FHIT: variants seen among roughly 807,000 people sequenced by gnomAD.
The protein encoded by FHIT is bis(5'-adenosyl)-triphosphatase.
In FHIT, 19 loss-of-function variants were observed where a neutral mutation model predicts 17.9. The observed-to-expected ratio is 1.06, with a 90% CI of 0.74 to 1.56. The LOEUF is 1.56. Ranked by LOEUF, FHIT falls within the 40% of genes most tolerant of loss-of-function variation. The pLI, the probability that FHIT is intolerant of heterozygous loss-of-function variation, is 0.00. For synonymous variants in FHIT, 81 were observed against 69.7 expected (o/e 1.16, Z -0.81); for missense variants, 248 against 189.2 (o/e 1.31, Z -1.82).
At chr3:61,120,506 G>A (rs1240533745) in intron 2 of FHIT, among the ~76,000 whole-genome samples, 1 of 152,142 alleles carries the variant, frequency 6.6e-6, no homozygotes, top group Non-Finnish European at 1.5e-5. Context: ...ACAGGTTGGA[G>A]TGTACATCAT....
chr3:60,351,899 A>G (rs955049378), intron 5 of FHIT, among the ~76,000 whole-genome samples: 14 of 152,176 alleles, frequency 9.2e-5, no homozygotes, highest in African/African-American at 3.1e-4. Context: ...CTAAAGATTT[A>G]ATTAGCTAGC....
At chr3:60,844,496 C>A (rs1259300947) in intron 3 of FHIT, among the ~76,000 whole-genome samples, 1 of 152,070 alleles carries the variant, frequency 6.6e-6, no homozygotes, top group Non-Finnish European at 1.5e-5. Flanking sequence ...TGATTCAACA[C>A]ATTTTCTATT....
chr3:60,497,908 T>G (rs1363461661), intron 5 of FHIT, among the ~76,000 whole-genome samples: 1 of 152,222 alleles, frequency 6.6e-6, no homozygotes, highest in Non-Finnish European at 1.5e-5. Context: ...TGCATAATTT[T>G]ATTTTTTCCT....
At chr3:60,559,473 C>T (rs2036855751) in intron 4 of FHIT, among the ~76,000 whole-genome samples, 2 of 152,118 alleles carry the variant, frequency 1.3e-5, no homozygotes, top group African/African-American at 4.8e-5. Context: ...CCCCTCTTGC[C>T]TTGATGCACT....
intron 1 of FHIT, among the ~76,000 whole-genome samples, chr3:61,225,333 A>G (rs544336508): frequency 6.6e-5 from 10 of 152,350 alleles, no homozygotes; most frequent in African/African-American, 2.4e-4. Context: ...AGAGAAAAAT[A>G]TATATATTTT....
chr3:60,337,431 A>G (rs1455222189), intron 5 of FHIT, among the ~76,000 whole-genome samples: 1 of 152,212 alleles, frequency 6.6e-6, no homozygotes. Flanking sequence ...TAATGCCTGA[A>G]TAATTCTTGG....
chr3:60,156,556 C>T lies in FHIT; in HGVS notation c.104-142404G>A, dbSNP rs536679606. On this transcript the variant is annotated intron_variant, in intron 5 of 9. Coordinates refer to ENST00000492590, the MANE Select transcript of FHIT (RefSeq NM_002012.4). ...TAGAGCCCAGGAGTTCAAGAACAACCTAGGCAACATAGTGAGATCTTGTCT... is the reference window on the plus strand; with the variant it reads ...TAGAGCCCAGGAGTTCAAGAACAACTTAGGCAACATAGTGAGATCTTGTCT... 9.2e-5 allele frequency among the ~76,000 whole-genome samples: 14 copies of T among 152,054 alleles called. No homozygotes were observed. The South Asian group carries it at 2.9e-3, about 32-fold the overall frequency.
chr3:60,950,185 A>G (rs1333236261), intron 3 of FHIT, among the ~76,000 whole-genome samples: 1 of 152,246 alleles, frequency 6.6e-6, no homozygotes, highest in East Asian at 1.9e-4. Context: ...CTAATGACAC[A>G]GTTTTCATTA....
intron 3 of FHIT, among the ~76,000 whole-genome samples, chr3:61,000,049 A>C (rs531810138): frequency 6.6e-6 from 1 of 152,300 alleles, no homozygotes; most frequent in South Asian, 2.1e-4. Flanking sequence ...TTTGAGGGTT[A>C]GGATTTCAAC....
At chr3:60,837,216 C>G (rs1216606110) in intron 3 of FHIT, among the ~76,000 whole-genome samples, 1 of 152,026 alleles carries the variant, frequency 6.6e-6, no homozygotes, top group African/African-American at 2.4e-5. Flanking sequence ...AAGGGAGGGA[C>G]GTGGAGCCTA....
intron 2 of FHIT, among the ~76,000 whole-genome samples, chr3:61,108,879 C>A (rs1421371703): frequency 6.6e-6 from 1 of 152,210 alleles, no homozygotes; most frequent in South Asian, 2.1e-4. Flanking sequence ...CTCTTTCCTG[C>A]TGAGCCCAGA....
At chr3:60,938,215 T>C (rs1251523836) in intron 3 of FHIT, among the ~76,000 whole-genome samples, 3 of 151,676 alleles carry the variant, frequency 2.0e-5, no homozygotes, top group Non-Finnish European at 2.9e-5. Flanking sequence ...AACTTGAGAG[T>C]TGGAAAGGGG....
chr3:60,565,592 A>G (rs893673517), intron 4 of FHIT, among the ~76,000 whole-genome samples: 1 of 152,222 alleles, frequency 6.6e-6, no homozygotes, highest in Non-Finnish European at 1.5e-5. Context: ...AAATATTTCA[A>G]GCAAATAGAT....
At chr3:61,103,497 A>T (rs146909789) in intron 2 of FHIT, among the ~76,000 whole-genome samples, 1 of 152,006 alleles carries the variant, frequency 6.6e-6, no homozygotes, top group African/African-American at 2.4e-5. Flanking sequence ...TTTAGAATAC[A>T]TGCAATGTGG....
At chr3:60,132,137 T>C (rs1286389574) in intron 5 of FHIT, among the ~76,000 whole-genome samples, 1 of 152,150 alleles carries the variant, frequency 6.6e-6, no homozygotes, top group African/African-American at 2.4e-5. Context: ...GCTTTCCATG[T>C]CCCCCTTATT....
intron 5 of FHIT, among the ~76,000 whole-genome samples, chr3:60,452,061 A>G (rs2031783012): frequency 6.6e-6 from 1 of 152,160 alleles, no homozygotes; most frequent in Non-Finnish European, 1.5e-5. Flanking sequence ...TAAACATACC[A>G]CACTTTATTT....
chr3:60,472,157 T>TA (rs143951495), intron 5 of FHIT, among the ~76,000 whole-genome samples: 6,351 of 146,744 alleles, frequency 0.043, 372 homozygotes, highest in African/African-American at 0.13. Context: ...ACTTTTTTGT[T>TA]AAAAAAAAAA....
At chr3:60,933,930 A>G (rs1178484809) in intron 3 of FHIT, among the ~76,000 whole-genome samples, 1 of 152,188 alleles carries the variant, frequency 6.6e-6, no homozygotes, top group Non-Finnish European at 1.5e-5. Flanking sequence ...GTGACCCGGA[A>G]TCTATCAGGC....
chr3:61,093,870 T>A (rs1287623925), intron 2 of FHIT, among the ~76,000 whole-genome samples: 1 of 152,212 alleles, frequency 6.6e-6, no homozygotes, highest in Admixed American at 6.5e-5. Flanking sequence ...AATAAATGGT[T>A]ACTAGTCTTG....
Sources: allele counts gnomAD v4.1 joint callset (sites outside exome capture counted in the v4.1 genomes callset), GRCh38; gene constraint gnomAD v4.1.1; transcripts MANE v1.5; gene names NCBI Gene and HGNC (gene_info 2026-07-23, HGNC 2026-07-21).